Variants in RGS12 observed in about 807,000 individuals in gnomAD.
RGS12 encodes regulator of G protein signaling 12.
A neutral mutation model predicts 120.1 loss-of-function variants in RGS12; 66 were observed. The ratio of observed to expected loss-of-function variants is 0.55; its 90% CI spans 0.45 to 0.67. The LOEUF is 0.67. Among genes scored for constraint, RGS12 ranks in the 30% least tolerant of loss-of-function variants. The probability of loss-of-function intolerance (pLI) is 0.00; values close to 1 mark genes in which losing one functional copy is unlikely to be tolerated. For synonymous variants in RGS12, 827 were observed against 804.7 expected, an observed-to-expected ratio of 1.03 and a Z score of -0.47; for missense variants, 1,859 against 1,957.7, an observed-to-expected ratio of 0.95 and a Z score of 0.95.
At chr4:3,414,377 C>T (rs1180255147) in intron 5 of RGS12, 136 bp downstream of exon 5, 35 of 974,694 alleles carry the variant, frequency 3.6e-5, no homozygotes, top group Middle Eastern at 6.4e-4. Flanking sequence ...TCTCCCCTCC[C>T]TGGACCGCCA....
In RGS12 at chr4:3,316,909, C is replaced by G. The variant is rs773713077; in HGVS notation, c.739C>G (p.Leu247Val). ...SIELPSTSSNLESDSLQAIRG... is the reference protein window; with the variant it reads ...SIELPSTSSNVESDSLQAIRG... ...TGAGCTTCCTTCCACGAGCTCCAAC[C>G]TGGAGTCCGACAGCTTGCAAGCCAT... Residue 247 changes from leucine (L) to valine (V), a missense_variant, in exon 2 of 18, where the codon CTG (leucine) becomes GTG (valine). Coordinates refer to ENST00000336727, the MANE Select transcript of RGS12 (RefSeq NM_001394154.1). 1.9e-6 allele frequency: 3 copies of G among 1,613,882 alleles called. No individual in the cohort carries two copies. Among genetic ancestry groups the G allele is most frequent in the Admixed American group, 1.7e-5 (1 of 60,014 alleles).
intron 4 of RGS12, among the ~76,000 whole-genome samples, chr4:3,400,501 C>T (rs943374880): frequency 1.3e-5 from 2 of 152,048 alleles, no homozygotes; most frequent in African/African-American, 4.8e-5. Flanking sequence ...TATTACCACA[C>T]TGGAGGCCAA....
intron 2 of RGS12, among the ~76,000 whole-genome samples, chr4:3,320,396 C>T (rs73795506): frequency 0.011 from 1,678 of 152,294 alleles, 31 homozygotes; most frequent in African/African-American, 0.039. Flanking sequence ...CTAGCATGTC[C>T]TCAGGGTTGG....
chr4:3,344,247 T>G lies in RGS12; in HGVS notation c.1998+1194T>G, dbSNP rs188904375. ...TCTGCCCTTGGATGGCCTGTTTAGC[T>G]TTGGTCTCTCCGGGGAACTCGAGGG... On this transcript the variant is annotated intron_variant, in intron 3 of 17. Transcript: ENST00000336727. 2.0e-5 allele frequency among the ~76,000 whole-genome samples: 3 copies of G among 152,256 alleles called. 1 individual carries two copies. The East Asian group carries it at 5.8e-4, about 29-fold the overall frequency.
chr4:3,367,650 C>G (rs1716457626), intron 3 of RGS12, among the ~76,000 whole-genome samples: 1 of 152,246 alleles, frequency 6.6e-6, no homozygotes, highest in South Asian at 2.1e-4. Flanking sequence ...AGGGCACTTG[C>G]TGCTGGGGCC....
intron 1 of RGS12, among the ~76,000 whole-genome samples, chr4:3,293,320 C>G (rs914595080): frequency 1.6e-4 from 23 of 140,352 alleles, no homozygotes; most frequent in African/African-American, 5.0e-4. Flanking sequence ...CGGGGCGGGG[C>G]GGGGGCGGGG....
chr4:3,335,650 A>G (rs1036002692), intron 2 of RGS12, among the ~76,000 whole-genome samples: 1 of 152,170 alleles, frequency 6.6e-6, no homozygotes, highest in Admixed American at 6.5e-5. Context: ...CTGGCCCCTC[A>G]GAAACAATGG....
rs79896576 is a variant in RGS12, at chr4:3,431,655, C to T, written c.4114+700C>T. The T allele has an allele frequency of 3.7e-3, 3,623 of 985,704 alleles. 98 individuals are homozygous for T. The African/African-American group carries it at 0.059, about 16-fold the overall frequency. The allele number at this position is 985,704 out of a possible 1,614,324, so 61.1% of individuals were successfully genotyped here. A position where few individuals can be genotyped will look rare whatever the true frequency, so the allele number is the denominator to read the frequency against. ...CCAGAAACTGAGGCGAGGCTCCCAG[C>T]AGCCGGTAGGGAAAGGTGTTTCCAG... is the stretch of plus-strand genomic sequence containing the variant. On this transcript the variant is annotated intron_variant, in intron 17 of 17. Transcript: ENST00000336727.
intron 3 of RGS12, among the ~76,000 whole-genome samples, chr4:3,364,687 G>T (rs1366214691): frequency 6.6e-6 from 1 of 152,036 alleles, no homozygotes; most frequent in East Asian, 1.9e-4. Context: ...GGGAGAGCCG[G>T]GCTGACACCT....
At position 3,433,623 on chromosome 4, in the gene RGS12, A is replaced by C. The variant is rs939257990; in HGVS notation, c.4114+2668A>C. On this transcript the variant is annotated intron_variant, in intron 17 of 17. Coordinates refer to ENST00000336727, the MANE Select transcript of RGS12 (RefSeq NM_001394154.1). The surrounding 1 kb of genome is among the most constrained non-coding windows in gnomAD (Gnocchi z 4.4). ...CCAGTGCCACATGCCACACCACCCC[A>C]TCCTAGCCCCAGCACCACGTGCCAT... Among the ~76,000 whole-genome samples the C allele has an allele frequency of 1.2e-4, 17 of 146,942 alleles. No individual in the cohort carries two copies. The highest frequency in any genetic ancestry group is 2.2e-4 in the Non-Finnish European group (15 of 66,686).
At chr4:3,382,176 T>C (rs1718328888) in intron 3 of RGS12, among the ~76,000 whole-genome samples, 1 of 152,242 alleles carries the variant, frequency 6.6e-6, no homozygotes, top group South Asian at 2.1e-4. Flanking sequence ...TACATATTTG[T>C]GATTATACCA....
chr4:3,388,497 C>G (rs1190504541), intron 4 of RGS12, among the ~76,000 whole-genome samples: 1 of 152,222 alleles, frequency 6.6e-6, no homozygotes, highest in Non-Finnish European at 1.5e-5. Flanking sequence ...CAGCAGCTCA[C>G]AGTAGTCTGC....
chr4:3,349,750 G>A (rs116018562), intron 3 of RGS12, among the ~76,000 whole-genome samples: 1,793 of 152,066 alleles, frequency 0.012, 49 homozygotes, highest in African/African-American at 0.041. Context: ...ATGTTTTCCC[G>A]TTACATAATT....
chr4:3,360,167 C>T lies in RGS12; in HGVS notation c.1998+17114C>T, dbSNP rs546592026. 1.5e-3 allele frequency among the ~76,000 whole-genome samples: 227 copies of T among 152,314 alleles called. 2 individuals are homozygous for T. The highest frequency in any genetic ancestry group is 2.4e-3 in the Non-Finnish European group (164 of 68,032). On this transcript the variant is annotated intron_variant, in intron 3 of 17. Transcript: ENST00000336727. ...TATTGGTGTAGAGTTGTTCACAGTACTCCTCTATAATTCTTGCTATGTCTG... is the reference window on the plus strand; with the variant it reads ...TATTGGTGTAGAGTTGTTCACAGTATTCCTCTATAATTCTTGCTATGTCTG...
intron 2 of RGS12, among the ~76,000 whole-genome samples, chr4:3,341,866 C>T (rs1439462912): frequency 1.4e-4 from 11 of 79,096 alleles, no homozygotes; most frequent in African/African-American, 3.1e-4. Flanking sequence ...GCAGAGGCCC[C>T]GGGGTGTGGG....
At chr4:3,380,401 G>A (rs1718137091) in intron 3 of RGS12, among the ~76,000 whole-genome samples, 1 of 152,200 alleles carries the variant, frequency 6.6e-6, no homozygotes, top group Non-Finnish European at 1.5e-5. Flanking sequence ...TTTGAGGTGT[G>A]GAGGAGGGTG....
At chr4:3,333,384 C>T (rs1030538583) in intron 2 of RGS12, among the ~76,000 whole-genome samples, 1 of 152,194 alleles carries the variant, frequency 6.6e-6, no homozygotes, top group Non-Finnish European at 1.5e-5. Flanking sequence ...GATCCTCTCC[C>T]GCCTTGGCCT....
chr4:3,312,474 G>C lies in RGS12; in HGVS notation c.-101-3596G>C, dbSNP rs575388249. ...GTGAGGGTTGCGTTCCTGCGTTCTG[G>C]ACTCTTTACCCACTACTGAGAAGCA... On this transcript the variant is annotated intron_variant, in intron 1 of 17. Transcript: ENST00000336727. 8 of 217,876 alleles carry C rather than the reference G, an allele frequency of 3.7e-5. No homozygotes were observed. In the East Asian group the frequency reaches 7.7e-4, roughly 21 times the overall value. 13.5% of individuals were successfully genotyped at this position (217,876 alleles called of 1,614,324 possible). A position where few individuals can be genotyped will look rare whatever the true frequency, so the allele number is the denominator to read the frequency against.
At chr4:3,392,020 G>A (rs578189811) in intron 4 of RGS12, among the ~76,000 whole-genome samples, 1 of 152,186 alleles carries the variant, frequency 6.6e-6, no homozygotes, top group Non-Finnish European at 1.5e-5. Flanking sequence ...TAATAGATTT[G>A]CTCTCAGGAG....
Sources: allele counts gnomAD v4.1 joint callset (sites outside exome capture counted in the v4.1 genomes callset), GRCh38; gene constraint gnomAD v4.1.1; non-coding constraint Gnocchi (gnomAD v3.1); transcripts MANE v1.5; gene names NCBI Gene and HGNC (gene_info 2026-07-23, HGNC 2026-07-21).